COL25A1: variants seen among roughly 807,000 people sequenced by gnomAD.
The protein encoded by COL25A1 is collagen type XXV alpha 1 chain.
A neutral mutation model predicts 128.4 loss-of-function variants in COL25A1; 103 were observed. That is an observed-to-expected ratio of 0.80 (90% CI 0.68 to 0.94). The LOEUF (loss-of-function observed/expected upper bound fraction) is 0.94. COL25A1 is among the 40% of genes least tolerant of loss of function. The pLI, the probability that COL25A1 is intolerant of heterozygous loss-of-function variation, is 0.00. For missense variants in COL25A1, 745 were observed against 840.0 expected, an observed-to-expected ratio of 0.89 and a Z score of 1.40; for synonymous variants, 279 against 277.2, an observed-to-expected ratio of 1.01 and a Z score of -0.06.
chr4:109,136,916 C>T (rs1225912628), intron 3 of COL25A1, among the ~76,000 whole-genome samples: 4 of 152,220 alleles, frequency 2.6e-5, no homozygotes, highest in African/African-American at 9.7e-5. Flanking sequence ...GCCACATCCT[C>T]CTTTGAAGAG....
At chr4:108,912,478 CA>C (rs1744346500) in intron 13 of COL25A1, among the ~76,000 whole-genome samples, 1 of 152,114 alleles carries the variant, frequency 6.6e-6, no homozygotes, top group Admixed American at 6.5e-5. Flanking sequence ...AATTTAGTCT[CA>C]ATATCTTTTC....
chr4:109,127,625 G>C (rs1768748818), intron 3 of COL25A1, among the ~76,000 whole-genome samples: 1 of 151,924 alleles, frequency 6.6e-6, no homozygotes, highest in African/African-American at 2.4e-5. Flanking sequence ...ACCGCGCCTG[G>C]CCAAACAAGT....
chr4:108,860,525 T>A (rs1737072751), intron 23 of COL25A1, among the ~76,000 whole-genome samples: 1 of 152,204 alleles, frequency 6.6e-6, no homozygotes, highest in Non-Finnish European at 1.5e-5. Context: ...ACTTCTACCC[T>A]GCTTATTAGA....
rs1404786582 is a variant in COL25A1, at chr4:109,026,057, C to T, written c.421-15682G>A. Among the ~76,000 whole-genome samples, 7 of 149,074 alleles carry T rather than the reference C, an allele frequency of 4.7e-5. No homozygotes were observed. The Admixed American group carries it at 4.7e-4, about 10-fold the overall frequency. The stretch of plus-strand genomic sequence containing the variant: ...AGCCCTCTTAGGAACTGGATAAAAG[C>T]TATAGCTGCAGTGGTTAGAAATATC... On this transcript the variant is annotated intron_variant, in intron 5 of 37. Transcript: ENST00000399132.
chr4:109,170,870 T>G (rs1773522348), intron 3 of COL25A1, among the ~76,000 whole-genome samples: 1 of 152,180 alleles, frequency 6.6e-6, no homozygotes, highest in Non-Finnish European at 1.5e-5. Flanking sequence ...ACCCACATTG[T>G]GCTTCTATGA....
intron 8 of COL25A1, among the ~76,000 whole-genome samples, chr4:108,972,072 A>G (rs1453247539): frequency 6.6e-6 from 1 of 152,182 alleles, no homozygotes; most frequent in African/African-American, 2.4e-5. Context: ...GGGGAGTCAA[A>G]GAGTTAAAAC....
intron 3 of COL25A1, among the ~76,000 whole-genome samples, chr4:109,176,137 G>A (rs1293164478): frequency 6.6e-6 from 1 of 152,136 alleles, no homozygotes; most frequent in African/African-American, 2.4e-5. Flanking sequence ...ATAAAAGCTA[G>A]AGAGGGCACT....
At chr4:108,913,993 G>A (rs1313832784) in intron 13 of COL25A1, among the ~76,000 whole-genome samples, 2 of 152,176 alleles carry the variant, frequency 1.3e-5, no homozygotes, top group Non-Finnish European at 2.9e-5. Context: ...TTAATTATAT[G>A]TTTAAACCAA....
At chr4:109,236,389 C>T (rs1231158576) in intron 3 of COL25A1, among the ~76,000 whole-genome samples, 2 of 152,054 alleles carry the variant, frequency 1.3e-5, no homozygotes, top group East Asian at 3.9e-4. Context: ...GCATCAGAGG[C>T]AGCAGAACCT....
chr4:109,134,824 A>G (rs879845579), intron 3 of COL25A1, among the ~76,000 whole-genome samples: 3 of 152,088 alleles, frequency 2.0e-5, no homozygotes, highest in Non-Finnish European at 2.9e-5. Flanking sequence ...TACAAGTCAG[A>G]CTTGGAGAAA....
intron 5 of COL25A1, among the ~76,000 whole-genome samples, chr4:109,030,730 AT>A (rs1560569325): frequency 2.0e-5 from 3 of 151,798 alleles, no homozygotes; most frequent in Admixed American, 1.3e-4. Flanking sequence ...CCTGTTAAAA[AT>A]TTTTAAAAGG....
At chr4:109,070,231 G>A (rs1354271236) in intron 3 of COL25A1, among the ~76,000 whole-genome samples, 1 of 151,120 alleles carries the variant, frequency 6.6e-6, no homozygotes, top group African/African-American at 2.4e-5. Flanking sequence ...CTGGGAGACA[G>A]AGCGAGACTC....
chr4:108,918,249 T>A lies in COL25A1; in HGVS notation c.736-33A>T, dbSNP rs765078066. ...GACACATGATTAAATTCAGTTGATA[T>A]CATACACAAAATATTTCAATTCTAA... On this transcript the variant is annotated intron_variant, in intron 12 of 37. Transcript: ENST00000399132. 3 of 1,470,510 alleles carry A rather than the reference T, an allele frequency of 2.0e-6. No homozygotes were observed. In the Admixed American group the frequency reaches 5.8e-5, roughly 28 times the overall value. The allele number at this position is 1,470,510 out of a possible 1,614,324, so 91.1% of individuals were successfully genotyped here.
At chr4:109,054,737 TA>T (rs1761305789) in intron 3 of COL25A1, among the ~76,000 whole-genome samples, 1 of 152,060 alleles carries the variant, frequency 6.6e-6, no homozygotes, top group Non-Finnish European at 1.5e-5. Flanking sequence ...CACAGCAAAG[TA>T]AAGGGCAGAA....
intron 3 of COL25A1, among the ~76,000 whole-genome samples, chr4:109,292,894 A>G (rs890443261): frequency 1.3e-5 from 2 of 152,098 alleles, no homozygotes; most frequent in Non-Finnish European, 2.9e-5. Flanking sequence ...TTAGTGTTCC[A>G]AAGTTCACTT....
rs571452614 is a variant in COL25A1 at position 109,293,410 on chromosome 4, T to C, written c.367+7173A>G. Reference sequence around the variant, plus strand: ...ACTCTTTGGTAAACAAGGGAAAAAATAGACTTTACCCCTTCCCTGACCAGC... The same window carrying C: ...ACTCTTTGGTAAACAAGGGAAAAAACAGACTTTACCCCTTCCCTGACCAGC... On this transcript the variant is annotated intron_variant, in intron 3 of 37. Transcript: ENST00000399132. 9.2e-5 allele frequency among the ~76,000 whole-genome samples: 14 copies of C among 152,110 alleles called. No homozygotes were observed. The South Asian group carries it at 1.0e-3, about 11-fold the overall frequency.
At chr4:109,170,878 T>C (rs1397410839) in intron 3 of COL25A1, among the ~76,000 whole-genome samples, 3 of 152,148 alleles carry the variant, frequency 2.0e-5, no homozygotes, top group Non-Finnish European at 2.9e-5. Flanking sequence ...TGTGCTTCTA[T>C]GACCATTTCA....
At chr4:108,950,524 G>A (rs912183008) in intron 8 of COL25A1, among the ~76,000 whole-genome samples, 7 of 152,082 alleles carry the variant, frequency 4.6e-5, no homozygotes, top group Non-Finnish European at 8.8e-5. Flanking sequence ...TGATACTTCC[G>A]CCTAGATGAA....
intron 5 of COL25A1, among the ~76,000 whole-genome samples, chr4:109,015,761 G>A (rs1044502472): frequency 4.6e-5 from 7 of 152,232 alleles, no homozygotes; most frequent in Non-Finnish European, 7.3e-5. Context: ...ACAGGAGGTT[G>A]AAAGTTTGGC....
Sources: allele counts gnomAD v4.1 joint callset (sites outside exome capture counted in the v4.1 genomes callset), GRCh38; gene constraint gnomAD v4.1.1; transcripts MANE v1.5; gene names NCBI Gene and HGNC (gene_info 2026-07-23, HGNC 2026-07-21).